CRPPA: variants seen among roughly 807,000 people sequenced by gnomAD.
CRPPA encodes the protein D-ribitol-5-phosphate cytidylyltransferase.
A neutral mutation model predicts 52.0 loss-of-function variants in CRPPA; 43 were observed. The ratio of observed to expected loss-of-function variants is 0.83; its 90% CI spans 0.65 to 1.07. The LOEUF (loss-of-function observed/expected upper bound fraction) is 1.07. Ranked by LOEUF, CRPPA falls within the 50% of genes least tolerant of loss-of-function variation. The probability of loss-of-function intolerance (pLI) is 0.00; values close to 1 mark genes in which losing one functional copy is unlikely to be tolerated. For synonymous variants in CRPPA, 250 were observed against 203.5 expected (o/e 1.23, Z -1.94); for missense variants, 629 against 551.7 (o/e 1.14, Z -1.40).
At chr7:16,117,050 G>T (rs1782389972) in intron 9 of CRPPA, among the ~76,000 whole-genome samples, 1 of 152,084 alleles carries the variant, frequency 6.6e-6, no homozygotes, top group Non-Finnish European at 1.5e-5. Flanking sequence ...TCAGACCTGG[G>T]CTGCAGACTT....
In CRPPA at chr7:16,181,435, C is replaced by T. The variant is rs115231571; in HGVS notation, c.1251+34631G>A. Among the ~76,000 whole-genome samples the T allele has an allele frequency of 5.9e-3, 896 of 151,962 alleles. 12 individuals are homozygous for T. Among genetic ancestry groups the T allele is most frequent in the African/African-American group, 0.02 (846 of 41,524 alleles). Reference sequence around the variant, plus strand: ...AATTGAACAGGTGAAAGAATATTTTCATGATGTTAAACAGGTCAAATTATT... The same window carrying T: ...AATTGAACAGGTGAAAGAATATTTTTATGATGTTAAACAGGTCAAATTATT... On this transcript the variant is annotated intron_variant, in intron 9 of 9. Transcript: ENST00000407010.
chr7:16,421,104 C>T lies in CRPPA; in HGVS notation c.219G>A (p.Glu73=). 1 of 1,306,756 alleles carries T rather than the reference C, an allele frequency of 7.7e-7. No homozygotes were observed. The highest frequency in any genetic ancestry group is 9.8e-7 in the Non-Finnish European group (1 of 1,021,126). The allele number at this position is 1,306,756 out of a possible 1,614,324, so 80.9% of individuals were successfully genotyped here. A position where few individuals can be genotyped will look rare whatever the true frequency, so the allele number is the denominator to read the frequency against. The stretch of plus-strand genomic sequence containing the variant: ...GTAGGGTGTAGCTGATGAGCGGCCT[C>T]TCCAGGATGGGGCAGAATTGCTTCG... ...PTPKQFCPIL[E]RPLISYTLQA... Residue 73 remains glutamate, a synonymous_variant, in exon 1 of 10, where the codon GAG becomes GAA. Transcript: ENST00000407010.
chr7:16,367,692 C>T (rs1002533768), intron 3 of CRPPA, among the ~76,000 whole-genome samples: 3 of 151,946 alleles, frequency 2.0e-5, no homozygotes, highest in Non-Finnish European at 4.4e-5. Flanking sequence ...TACAGGCAGG[C>T]TATGAATTAT....
chr7:16,420,969 T>TC (rs1048889040), intron 1 of CRPPA, 97 bp downstream of exon 1: 8 of 1,058,228 alleles, frequency 7.6e-6, no homozygotes, highest in Non-Finnish European at 8.6e-6. Context: ...GGCCCGGCAG[T>TC]CCCCCAAGTG....
At chr7:16,243,123 G>A (rs1783171662) in intron 8 of CRPPA, among the ~76,000 whole-genome samples, 1 of 152,112 alleles carries the variant, frequency 6.6e-6, no homozygotes, top group Non-Finnish European at 1.5e-5. Context: ...ACATGGGGGT[G>A]GTTTCCCCCA....
In CRPPA at chr7:16,095,569, G is replaced by A. The variant is rs6966221; in HGVS notation, c.1252-3770C>T. ...TAGCCATTAAATCTGGAAAACTTAT[G>A]TGAGAATATTTTTTGCAGGTCTTGG... On this transcript the variant is annotated intron_variant, in intron 9 of 9. Coordinates refer to ENST00000407010, the MANE Select transcript of CRPPA (RefSeq NM_001101426.4). Among the ~76,000 whole-genome samples, 842 of 152,228 alleles carry A rather than the reference G, an allele frequency of 5.5e-3. 8 individuals are homozygous for A. Among genetic ancestry groups the A allele is most frequent in the African/African-American group, 0.019 (770 of 41,514 alleles).
intron 9 of CRPPA, among the ~76,000 whole-genome samples, chr7:16,153,255 A>G (rs903543203): frequency 1.1e-4 from 17 of 152,092 alleles, no homozygotes; most frequent in African/African-American, 4.1e-4. Context: ...TTAAACTATT[A>G]TTATGACATC....
At chr7:16,183,760 C>G (rs1279333132) in intron 9 of CRPPA, among the ~76,000 whole-genome samples, 1 of 152,044 alleles carries the variant, frequency 6.6e-6, no homozygotes, top group African/African-American at 2.4e-5. Flanking sequence ...GTTGATAGAA[C>G]AGAGAATGCT....
chr7:16,396,897 C>G (rs1370777539), intron 2 of CRPPA, among the ~76,000 whole-genome samples: 1 of 152,170 alleles, frequency 6.6e-6, no homozygotes, highest in Admixed American at 6.5e-5. Context: ...AAAAATGTGA[C>G]ACATGTGTGA....
At chr7:16,251,352 G>C (rs1481655647) in intron 8 of CRPPA, among the ~76,000 whole-genome samples, 1 of 152,150 alleles carries the variant, frequency 6.6e-6, no homozygotes, top group Admixed American at 6.5e-5. Flanking sequence ...ATGAGGACTT[G>C]AACTCAGCTC....
chr7:16,093,645 C>T lies in CRPPA; in HGVS notation c.1252-1846G>A, dbSNP rs917178634. Among the ~76,000 whole-genome samples the T allele has an allele frequency of 2.0e-5, 3 of 152,098 alleles. No individual in the cohort carries two copies. In the East Asian group the frequency reaches 5.8e-4, roughly 29 times the overall value. ...CACCATTTTGGTTTCCAGAATATCACGATACCTAAACCACATCTAAACAAA... is the reference window on the plus strand; with the variant it reads ...CACCATTTTGGTTTCCAGAATATCATGATACCTAAACCACATCTAAACAAA... On this transcript the variant is annotated intron_variant, in intron 9 of 9. Transcript: ENST00000407010.
At position 16,091,323 on chromosome 7, in the gene CRPPA, TATTA is replaced by T. The variant is rs1193374618; in HGVS notation, c.*368_*371del. Reference sequence around the variant, plus strand: ...CCATTAGCTTCATAATAGTGTAAATTATTAATTAACAGTTAGGATAATAACTGAA... The same window carrying T: ...CCATTAGCTTCATAATAGTGTAAATTATTAACAGTTAGGATAATAACTGAA... On this transcript the variant is annotated 3_prime_UTR_variant, in exon 10 of 10. Transcript: ENST00000407010. 2.3e-5 allele frequency: 4 copies of T among 172,558 alleles called. No individual in the cohort carries two copies. The highest frequency in any genetic ancestry group is 4.9e-5 in the Non-Finnish European group (4 of 82,056). The allele number at this position is 172,558 out of a possible 1,614,324, so 10.7% of individuals were successfully genotyped here.
intron 9 of CRPPA, among the ~76,000 whole-genome samples, chr7:16,116,387 G>A (rs141047143): frequency 1.5e-3 from 225 of 152,190 alleles, no homozygotes; most frequent in South Asian, 2.9e-3. Flanking sequence ...ATGAGTGGTC[G>A]GGCGCAGTGG....
intron 9 of CRPPA, among the ~76,000 whole-genome samples, chr7:16,123,421 T>A (rs143371266): frequency 6.6e-6 from 1 of 152,140 alleles, no homozygotes; most frequent in Non-Finnish European, 1.5e-5. Flanking sequence ...GTTAGAATCA[T>A]GAGAATTTGT....
At chr7:16,156,564 A>G (rs1465601838) in intron 9 of CRPPA, among the ~76,000 whole-genome samples, 1 of 152,184 alleles carries the variant, frequency 6.6e-6, no homozygotes, top group Non-Finnish European at 1.5e-5. Flanking sequence ...TATCTATGGC[A>G]TCTCAGAAGA....
chr7:16,315,615 A>G (rs1172032906), intron 3 of CRPPA, among the ~76,000 whole-genome samples: 3 of 152,088 alleles, frequency 2.0e-5, no homozygotes, highest in African/African-American at 7.2e-5. Context: ...ATGCTCTAGC[A>G]TTTTTCAGAA....
Position 16,091,469 on chromosome 7 carries a change from A to AT in CRPPA, c.*225dup, listed in dbSNP as rs969444073. 17 of 388,964 alleles carry AT rather than the reference A, an allele frequency of 4.4e-5. No homozygotes were observed. The highest frequency in any genetic ancestry group is 7.8e-5 in the South Asian group (2 of 25,538). The allele number at this position is 388,964 out of a possible 1,614,324, so 24.1% of individuals were successfully genotyped here. A position where few individuals can be genotyped will look rare whatever the true frequency, so the allele number is the denominator to read the frequency against. ...GGCTATTATTTTCCACTTATCTACT[A>AT]TTTTTTTCTGGTTCAGGCAATTAAT... On this transcript the variant is annotated 3_prime_UTR_variant, in exon 10 of 10. Transcript: ENST00000407010.
chr7:16,272,960 T>G (rs1402377076), intron 6 of CRPPA, among the ~76,000 whole-genome samples: 1 of 151,946 alleles, frequency 6.6e-6, no homozygotes, highest in African/African-American at 2.4e-5. Context: ...TTGTCGCTTT[T>G]TTTTTTATTT....
At chr7:16,216,412 T>C (rs770989408) in intron 8 of CRPPA, 8 of 356,378 alleles carry the variant, frequency 2.2e-5, no homozygotes, top group East Asian at 1.6e-4. Context: ...GAAAACGAGG[T>C]TGAAAAACCA....
Sources: gnomAD v4.1 joint callset for allele counts (sites outside exome capture counted in the v4.1 genomes callset) on GRCh38, gnomAD v4.1.1 for gene constraint, MANE v1.5 for transcripts, NCBI Gene and HGNC (gene_info 2026-07-23, HGNC 2026-07-21) for gene names.